Variants in MTFR1 observed in about 807,000 individuals in gnomAD.
MTFR1 encodes the protein mitochondrial fission regulator 1.
Under a neutral mutation model 38.8 loss-of-function variants are expected in MTFR1, and 28 were observed. The observed-to-expected ratio is 0.72, with a 90% CI of 0.53 to 0.99. The LOEUF (loss-of-function observed/expected upper bound fraction) is 0.99. Ranked by LOEUF, MTFR1 falls within the 50% of genes least tolerant of loss-of-function variation. MTFR1 has a pLI of 0.00. For synonymous variants in MTFR1, 145 were observed against 137.0 expected, an observed-to-expected ratio of 1.06 and a Z score of -0.41; for missense variants, 358 against 395.5, an observed-to-expected ratio of 0.91 and a Z score of 0.81.
At chr8:65,668,798 A>T (rs1804474012) in intron 1 of MTFR1, among the ~76,000 whole-genome samples, 1 of 152,092 alleles carries the variant, frequency 6.6e-6, no homozygotes, top group South Asian at 2.1e-4. Context: ...ACAGATGTGA[A>T]CCACCACGCC....
intron 1 of MTFR1, among the ~76,000 whole-genome samples, chr8:65,644,998 G>T (rs1003212641): frequency 6.6e-6 from 1 of 152,228 alleles, no homozygotes; most frequent in African/African-American, 2.4e-5. Flanking sequence ...CGCGTGGGTC[G>T]GGGGCTCCGG....
In MTFR1 at chr8:65,677,278, C is replaced by G. The variant is rs184991513; in HGVS notation, c.67-5075C>G. Among the ~76,000 whole-genome samples the G allele has an allele frequency of 1.3e-3, 203 of 150,984 alleles. 2 individuals are homozygous for G. In the East Asian group the frequency reaches 0.035, roughly 26 times the overall value. On this transcript the variant is annotated intron_variant, in intron 2 of 7. Coordinates refer to ENST00000262146, the MANE Select transcript of MTFR1 (RefSeq NM_014637.4). ...AGAGACGGGGTTTCGCCACATTGGCCAGGCTGGTCTCGAACTCCTGACCTC... is the reference window on the plus strand; with the variant it reads ...AGAGACGGGGTTTCGCCACATTGGCGAGGCTGGTCTCGAACTCCTGACCTC...
chr8:65,655,797 A>G (rs895059471), intron 1 of MTFR1, among the ~76,000 whole-genome samples: 17 of 151,142 alleles, frequency 1.1e-4, no homozygotes, highest in African/African-American at 3.9e-4. Flanking sequence ...TAAAAATACA[A>G]AATTAGCTGG....
At chr8:65,659,302 C>T (rs1809347645) in intron 1 of MTFR1, among the ~76,000 whole-genome samples, 1 of 151,906 alleles carries the variant, frequency 6.6e-6, no homozygotes, top group South Asian at 2.1e-4. Flanking sequence ...CTCGGTGCTA[C>T]AAAGTGAAAC....
chr8:65,670,422 C>T (rs972343156), intron 2 of MTFR1, among the ~76,000 whole-genome samples: 4 of 151,966 alleles, frequency 2.6e-5, no homozygotes, highest in Non-Finnish European at 5.9e-5. Context: ...TAAGTTATGT[C>T]TCTTAAAAAT....
intron 3 of MTFR1, chr8:65,739,455 T>C: frequency 1.3e-6 from 2 of 1,504,082 alleles, no homozygotes; most frequent in Non-Finnish European, 1.8e-6. Context: ...AACAGGTTCT[T>C]GTATAAATGT....
At chr8:65,654,867 G>A (rs1406152053) in intron 1 of MTFR1, among the ~76,000 whole-genome samples, 3 of 152,018 alleles carry the variant, frequency 2.0e-5, no homozygotes, top group Admixed American at 6.6e-5. Flanking sequence ...GTGAGCCACC[G>A]TGCCTGGCCT....
At chr8:65,667,107 G>A (rs147425387) in intron 1 of MTFR1, among the ~76,000 whole-genome samples, 2 of 152,074 alleles carry the variant, frequency 1.3e-5, no homozygotes, top group Non-Finnish European at 2.9e-5. Flanking sequence ...GTGAAACCCT[G>A]TCTCTACTAA....
intron 1 of MTFR1, among the ~76,000 whole-genome samples, chr8:65,657,778 C>T (rs113603679): frequency 2.6e-5 from 4 of 151,242 alleles, no homozygotes; most frequent in South Asian, 2.1e-4. Context: ...AATAACTTCA[C>T]GTTCCTTTTT....
In MTFR1 at chr8:65,651,722, G is replaced by A. The variant is rs1205656900; in HGVS notation, c.-81+6938G>A. On this transcript the variant is annotated intron_variant, in intron 1 of 7. Coordinates refer to ENST00000262146, the MANE Select transcript of MTFR1 (RefSeq NM_014637.4). The stretch of plus-strand genomic sequence containing the variant: ...CTATAGCCCTGTAGTATAATTTGAA[G>A]TCCAGTTTTTTTCTTTTTGCTCAGG... 3.9e-5 allele frequency among the ~76,000 whole-genome samples: 6 copies of A among 152,122 alleles called. No individual in the cohort carries two copies. In the East Asian group the frequency reaches 5.8e-4, roughly 15 times the overall value.
At chr8:65,723,387 C>G in intron 3 of MTFR1, 1 of 629,938 alleles carries the variant, frequency 1.6e-6, no homozygotes, top group Non-Finnish European at 2.3e-6. Flanking sequence ...ATTAGAAGAG[C>G]CATAACAAGG....
At chr8:65,698,732 CT>C (rs529069971) in intron 4 of MTFR1, among the ~76,000 whole-genome samples, 261 of 142,736 alleles carry the variant, frequency 1.8e-3, no homozygotes, top group East Asian at 1.8e-3. Context: ...TTGTTCCCTT[CT>C]TTTTTTTTTT....
intron 3 of MTFR1, among the ~76,000 whole-genome samples, chr8:65,691,795 G>A (rs925740572): frequency 3.9e-5 from 6 of 152,080 alleles, no homozygotes; most frequent in African/African-American, 1.2e-4. Context: ...GGTTACAGGC[G>A]CCTGCCACCA....
chr8:65,646,228 C>G (rs1023042236), intron 1 of MTFR1, among the ~76,000 whole-genome samples: 2 of 151,982 alleles, frequency 1.3e-5, no homozygotes, highest in Non-Finnish European at 2.9e-5. Flanking sequence ...TATTATTATC[C>G]CCATGTTAGA....
At chr8:65,691,658 G>T (rs1195372911) in intron 3 of MTFR1, among the ~76,000 whole-genome samples, 1 of 150,130 alleles carries the variant, frequency 6.7e-6, no homozygotes, top group Non-Finnish European at 1.5e-5. Flanking sequence ...TTGGATTTTG[G>T]TTTTTTTTTG....
chr8:65,650,967 C>T lies in MTFR1; in HGVS notation c.-81+6183C>T, dbSNP rs540301269. ...CTCCACATCCTTGCCAGCATTCATT[C>T]TTGGCTGTCTTTTGAATATAAGCCA... On this transcript the variant is annotated intron_variant, in intron 1 of 7. Coordinates refer to ENST00000262146, the MANE Select transcript of MTFR1 (RefSeq NM_014637.4). Among the ~76,000 whole-genome samples the T allele has an allele frequency of 4.6e-5, 7 of 151,832 alleles. No homozygotes were observed. In the South Asian group the frequency reaches 1.2e-3, roughly 27 times the overall value.
chr8:65,697,973 G>C (rs1372462999), intron 4 of MTFR1, among the ~76,000 whole-genome samples: 5 of 151,752 alleles, frequency 3.3e-5, no homozygotes, highest in Non-Finnish European at 7.4e-5. Flanking sequence ...CATTTAATGG[G>C]GTCTTTCATG....
At chr8:65,693,490 T>C (rs1218413888) in intron 3 of MTFR1, among the ~76,000 whole-genome samples, 154 bp from the exon 4 acceptor site, 1 of 152,230 alleles carries the variant, frequency 6.6e-6, no homozygotes, top group African/African-American at 2.4e-5. Context: ...AATATGATTA[T>C]GACTATTAAT....
At chr8:65,776,871 C>G in the MTFR1 span, among the ~76,000 whole-genome samples, 3 of 151,988 alleles carry the variant, frequency 2.0e-5, no homozygotes, top group African/African-American at 7.3e-5. Flanking sequence ...ACTATACTGG[C>G]CAGAACCTCT....
Sources: allele counts gnomAD v4.1 joint callset (sites outside exome capture counted in the v4.1 genomes callset), GRCh38; gene constraint gnomAD v4.1.1; transcripts MANE v1.5; gene names NCBI Gene and HGNC (gene_info 2026-07-23, HGNC 2026-07-21).